Variants in F8 observed in about 807,000 individuals in gnomAD.
F8 encodes coagulation factor VIII.
F8 carries 12 observed loss-of-function variants against 140.6 expected under a neutral mutation model. The observed-to-expected ratio is 0.09, with a 90% CI of 0.05 to 0.14. The LOEUF (loss-of-function observed/expected upper bound fraction) is 0.14, where lower values mean the gene tolerates loss of function less well. F8 is among the 10% of genes least tolerant of loss of function. The pLI is 1.00. For missense variants in F8, 1,354 were observed against 1,720.7 expected, an observed-to-expected ratio of 0.79 and a Z score of 3.77; for synonymous variants, 585 against 614.6, an observed-to-expected ratio of 0.95 and a Z score of 0.71.
intron 1 of F8, among the ~76,000 whole-genome samples, chrX:155,020,661 G>A (rs1010273834): frequency 2.7e-5 from 3 of 111,987 alleles, no homozygotes; most frequent in Non-Finnish European, 3.8e-5. Flanking sequence ...TTAAATGAAA[G>A]AGTCCAAAGA....
chrX:154,851,168 C>T (rs782181187), intron 25 of F8, among the ~76,000 whole-genome samples: 34 of 112,489 alleles, frequency 3.0e-4, no homozygotes, highest in African/African-American at 1.1e-3. Flanking sequence ...TGCCTGGCTG[C>T]TTTCACTTAG....
chrX:154,916,880 A>C (rs2073100591), intron 14 of F8, among the ~76,000 whole-genome samples: 1 of 110,699 alleles, frequency 9.0e-6, no homozygotes, highest in Non-Finnish European at 1.9e-5. Context: ...TTACATCATT[A>C]CCAGGTTTAT....
At chrX:154,900,519 G>C (rs28370239) in intron 20 of F8, among the ~76,000 whole-genome samples, 2,536 of 111,918 alleles carry the variant, frequency 0.023, 23 homozygotes, top group Middle Eastern at 0.037. Context: ...ATGAGCCAAC[G>C]TGCCCCGCCT....
At chrX:155,017,049 T>C (rs1370305300) in intron 1 of F8, among the ~76,000 whole-genome samples, 1 of 112,024 alleles carries the variant, frequency 8.9e-6, no homozygotes, top group Non-Finnish European at 1.9e-5. Flanking sequence ...GTCGGCCCAA[T>C]GTAATCACAT....
chrX:154,981,043 C>T (rs2073516587), intron 6 of F8, among the ~76,000 whole-genome samples: 1 of 112,183 alleles, frequency 8.9e-6, no homozygotes, highest in South Asian at 3.7e-4. Context: ...AGACGCAAGT[C>T]TCATGCTGGC....
At chrX:154,875,474 A>G (rs1183990319) in intron 22 of F8, among the ~76,000 whole-genome samples, 1 of 112,204 alleles carries the variant, frequency 8.9e-6, no homozygotes, top group African/African-American at 3.2e-5. Flanking sequence ...AACAAAATAT[A>G]TCAAAACATC....
At chrX:154,904,188 C>T (rs2073025022) in intron 17 of F8, 100 bp from the exon 18 acceptor site, 3 of 1,091,513 alleles carry the variant, frequency 2.7e-6, no homozygotes, top group Admixed American at 2.2e-5. Flanking sequence ...TCCACTCCCA[C>T]AGATATACTC....
At position 154,903,257 on chromosome X, in the gene F8, C is replaced by T. The variant is rs1343271312; in HGVS notation, c.5998+649G>A. ...GTGGCACTTTCATAGCTCACTGCAGCATCAACCTCCTGGGCTCAAGCAATC... is the reference window on the plus strand; with the variant it reads ...GTGGCACTTTCATAGCTCACTGCAGTATCAACCTCCTGGGCTCAAGCAATC... On this transcript the variant is annotated intron_variant, in intron 18 of 25. Coordinates refer to ENST00000360256, the MANE Select transcript of F8 (RefSeq NM_000132.4). Among the ~76,000 whole-genome samples, 3 of 110,564 alleles carry T rather than the reference C, an allele frequency of 2.7e-5. No individual in the cohort carries two copies. In the East Asian group the frequency reaches 8.4e-4, roughly 31 times the overall value.
At chrX:154,984,538 C>T in intron 6 of F8, 149 bp downstream of exon 6, 1 of 531,394 alleles carries the variant, frequency 1.9e-6, no homozygotes, top group South Asian at 2.5e-5. Context: ...GAATTGCCTA[C>T]TATACATTAA....
At chrX:154,942,696 C>T (rs1238002723) in intron 13 of F8, among the ~76,000 whole-genome samples, 4 of 109,971 alleles carry the variant, frequency 3.6e-5, no homozygotes, top group East Asian at 2.8e-4. Context: ...ATACCAAAGC[C>T]GGGCAGAGAC....
chrX:154,906,378 T>C (rs202086788), intron 15 of F8, 42 bp downstream of exon 15: 1,028 of 1,152,675 alleles, frequency 8.9e-4, no homozygotes, highest in Non-Finnish European at 1.1e-3. Context: ...AAAATAAATA[T>C]ATAAAATTAA....
chrX:154,888,407 C>CTT (rs2072915243), intron 22 of F8, among the ~76,000 whole-genome samples: 1 of 8,022 alleles, frequency 1.2e-4, no homozygotes, highest in Non-Finnish European at 2.8e-4. Context: ...TTTTTTTTTT[C>CTT]CCCCCGAGAT....
At chrX:154,915,467 AT>A (rs782425422) in intron 14 of F8, among the ~76,000 whole-genome samples, 4 of 112,043 alleles carry the variant, frequency 3.6e-5, no homozygotes, top group African/African-American at 9.7e-5. Flanking sequence ...ATACCTTTTC[AT>A]TTTTTGTGTG....
At chrX:154,952,067 G>GA (rs1418197371) in intron 12 of F8, among the ~76,000 whole-genome samples, 3 of 111,341 alleles carry the variant, frequency 2.7e-5, no homozygotes. Context: ...ATTATGAATA[G>GA]AAAAAAATAG....
intron 21 of F8, among the ~76,000 whole-genome samples, chrX:154,899,328 A>G (rs1157015668): frequency 1.8e-5 from 2 of 112,378 alleles, no homozygotes; most frequent in Non-Finnish European, 3.8e-5. Context: ...AGCTTTTGTG[A>G]GGCATGGAAG....
intron 1 of F8, among the ~76,000 whole-genome samples, chrX:155,017,076 AAG>A (rs369328080): frequency 8.9e-5 from 10 of 112,668 alleles, no homozygotes; most frequent in African/African-American, 2.6e-4. Context: ...TTAAAAGTAA[AAG>A]AGAGAGGCAA....
chrX:154,876,119 T>G (rs2072810867), intron 22 of F8, among the ~76,000 whole-genome samples: 1 of 98,755 alleles, frequency 1.0e-5, no homozygotes, highest in Non-Finnish European at 2.0e-5. Flanking sequence ...ATGGGAATTT[T>G]TTTTTTTTTT....
chrX:154,914,773 C>T (rs2073086799), intron 14 of F8, among the ~76,000 whole-genome samples: 1 of 111,875 alleles, frequency 8.9e-6, no homozygotes, highest in African/African-American at 3.3e-5. Flanking sequence ...CTGAGCCCTC[C>T]AGGTCTCTAG....
intron 22 of F8, among the ~76,000 whole-genome samples, chrX:154,869,664 AG>A (rs1240496169): frequency 8.9e-6 from 1 of 111,765 alleles, no homozygotes; most frequent in African/African-American, 3.3e-5. Context: ...CAAATTCAAA[AG>A]CTAGCAGAAG....
Sources: gnomAD v4.1 joint callset for allele counts (sites outside exome capture counted in the v4.1 genomes callset) on GRCh38, gnomAD v4.1.1 for gene constraint, MANE v1.5 for transcripts, NCBI Gene and HGNC (gene_info 2026-07-23, HGNC 2026-07-21) for gene names.